The following SCARA5 variants were observed in gnomAD, a reference collection of about 807,000 sequenced individuals.
The protein encoded by SCARA5 is scavenger receptor class A member 5.
Under a neutral mutation model 46.3 loss-of-function variants are expected in SCARA5, and 45 were observed. The observed-to-expected ratio is 0.97, with a 90% CI of 0.76 to 1.24. The LOEUF (loss-of-function observed/expected upper bound fraction) is 1.24. Among genes scored for constraint, SCARA5 ranks in the 50% most tolerant of loss-of-function variants. The pLI is 0.00. For synonymous variants in SCARA5, 333 were observed against 306.5 expected, an observed-to-expected ratio of 1.09 and a Z score of -0.90; for missense variants, 680 against 689.0, an observed-to-expected ratio of 0.99 and a Z score of 0.15.
In SCARA5 at chr8:27,935,270, T is replaced by C. The variant is rs17058300; in HGVS notation, c.242-13025A>G. Among the ~76,000 whole-genome samples, 810 of 152,312 alleles carry C rather than the reference T, an allele frequency of 5.3e-3. 9 individuals are homozygous for C. The highest frequency in any genetic ancestry group is 0.019 in the African/African-American group (784 of 41,568). The stretch of plus-strand genomic sequence containing the variant: ...GGTATCCAAAGCTTGGCAGTTTCTC[T>C]TGACTCAAGGAACAGGCCTGGGCAG... On this transcript the variant is annotated intron_variant, in intron 3 of 8. Coordinates refer to ENST00000354914, the MANE Select transcript of SCARA5 (RefSeq NM_173833.6).
chr8:27,899,077 A>C (rs981590100), intron 7 of SCARA5, among the ~76,000 whole-genome samples: 13 of 152,194 alleles, frequency 8.5e-5, no homozygotes, highest in Non-Finnish European at 1.6e-4. Flanking sequence ...GGTTCTAGCA[A>C]ATAATCAAAC....
At chr8:27,955,321 C>A (rs1808191472) in intron 3 of SCARA5, among the ~76,000 whole-genome samples, 2 of 152,192 alleles carry the variant, frequency 1.3e-5, no homozygotes, top group African/African-American at 2.4e-5. Context: ...CATGGGGCCA[C>A]CCTACCCCCA....
chr8:27,890,888 G>A (rs2129704034), intron 7 of SCARA5, among the ~76,000 whole-genome samples: 2 of 152,324 alleles, frequency 1.3e-5, no homozygotes, highest in South Asian at 4.1e-4. Flanking sequence ...TTCTTTGGAT[G>A]CAAAATGCTG....
At chr8:27,979,050 C>G (rs564196239) in intron 2 of SCARA5, among the ~76,000 whole-genome samples, 1 of 152,336 alleles carries the variant, frequency 6.6e-6, no homozygotes, top group Admixed American at 6.5e-5. Context: ...TCCACCCACA[C>G]AGTCGAGCAC....
At chr8:27,879,304 A>G (rs763949065) in intron 8 of SCARA5, among the ~76,000 whole-genome samples, 9 of 152,122 alleles carry the variant, frequency 5.9e-5, no homozygotes, top group Non-Finnish European at 1.0e-4. Flanking sequence ...CCTGGGACAC[A>G]GGACTGGGAA....
intron 7 of SCARA5, among the ~76,000 whole-genome samples, chr8:27,882,974 C>T (rs945978764): frequency 6.6e-6 from 1 of 152,182 alleles, no homozygotes; most frequent in African/African-American, 2.4e-5. Context: ...GGAACAACAT[C>T]TACACTGCAG....
At position 27,921,952 on chromosome 8, in the gene SCARA5, C is replaced by A; in HGVS notation, c.535G>T (p.Asp179Tyr). Residue 179 changes from aspartate to tyrosine, a missense_variant, in exon 4 of 9, where the codon GAC becomes TAC. By Grantham distance (160) the Asp-to-Tyr change is radical (BLOSUM62 -3). Coordinates refer to ENST00000354914, the MANE Select transcript of SCARA5 (RefSeq NM_173833.6). Reference sequence around the variant, plus strand: ...TGGTAGAGCTCCAGCTGCGCCGTGTCGCTCTGCTGGCCCGTGCGGTCCCGC... The same window carrying A: ...TGGTAGAGCTCCAGCTGCGCCGTGTAGCTCTGCTGGCCCGTGCGGTCCCGC... ...LLRDRTGQQS[D>Y]TAQLELYQLQ... The A allele has an allele frequency of 1.3e-6, 2 of 1,544,182 alleles. No individual in the cohort carries two copies. The highest frequency in any genetic ancestry group is 1.2e-5 in the South Asian group (1 of 82,116).
chr8:27,963,028 C>T (rs565198592), intron 3 of SCARA5, among the ~76,000 whole-genome samples: 3 of 152,324 alleles, frequency 2.0e-5, no homozygotes, highest in Non-Finnish European at 2.9e-5. Flanking sequence ...TACATTGCTG[C>T]GATGCTGCAG....
At chr8:27,966,277 G>A (rs754573569) in intron 3 of SCARA5, 137 bp downstream of exon 3, 12 of 888,920 alleles carry the variant, frequency 1.3e-5, no homozygotes, top group Admixed American at 3.1e-5. Context: ...CTACTGAAGA[G>A]CTTCTTCCTT....
chr8:27,917,234 A>C (rs1413192327), intron 4 of SCARA5, among the ~76,000 whole-genome samples: 1 of 152,220 alleles, frequency 6.6e-6, no homozygotes, highest in East Asian at 1.9e-4. Flanking sequence ...ACTAAGATGA[A>C]ACTTTCAGTT....
intron 3 of SCARA5, among the ~76,000 whole-genome samples, chr8:27,962,548 A>G (rs1164086721): frequency 6.6e-6 from 1 of 152,236 alleles, no homozygotes; most frequent in Non-Finnish European, 1.5e-5. Context: ...GCGTGATAGA[A>G]TCAGGAAGCT....
intron 7 of SCARA5, among the ~76,000 whole-genome samples, chr8:27,900,796 T>G (rs552326570): frequency 2.0e-5 from 3 of 151,516 alleles, no homozygotes; most frequent in East Asian, 1.9e-4. Context: ...CGGGTTTTTT[T>G]TTTTTTTTTT....
chr8:27,954,272 C>T (rs534216023), intron 3 of SCARA5, among the ~76,000 whole-genome samples: 4 of 152,154 alleles, frequency 2.6e-5, no homozygotes, highest in South Asian at 2.1e-4. Flanking sequence ...GCTGTGTTCT[C>T]GGGGCGACAG....
intron 4 of SCARA5, among the ~76,000 whole-genome samples, chr8:27,916,623 T>C (rs553771575): frequency 1.3e-5 from 2 of 152,306 alleles, no homozygotes; most frequent in Admixed American, 6.5e-5. Flanking sequence ...CTAGCCCTTG[T>C]TCAAAAGCCA....
intron 3 of SCARA5, among the ~76,000 whole-genome samples, chr8:27,965,882 C>T (rs1331144310): frequency 1.3e-5 from 2 of 152,198 alleles, no homozygotes; most frequent in Non-Finnish European, 2.9e-5. Flanking sequence ...ATGAGCTCTC[C>T]TTCTCCATGG....
chr8:27,898,188 G>A (rs1270463905), intron 7 of SCARA5, among the ~76,000 whole-genome samples: 2 of 152,242 alleles, frequency 1.3e-5, no homozygotes, highest in Non-Finnish European at 2.9e-5. Flanking sequence ...TTGAATGTAT[G>A]TGAAGCCATC....
intron 7 of SCARA5, among the ~76,000 whole-genome samples, chr8:27,899,398 T>C (rs1031040883): frequency 5.3e-5 from 8 of 152,176 alleles, no homozygotes; most frequent in African/African-American, 1.7e-4. Flanking sequence ...CAGAACTGCA[T>C]AGAGTTGGGG....
At chr8:27,879,394 A>G (rs1451571963) in intron 8 of SCARA5, among the ~76,000 whole-genome samples, 175 bp downstream of exon 8, 1 of 151,998 alleles carries the variant, frequency 6.6e-6, no homozygotes, top group African/African-American at 2.4e-5. Context: ...CTGTCTGATG[A>G]CCACCGGAGA....
intron 4 of SCARA5, among the ~76,000 whole-genome samples, chr8:27,912,965 T>C (rs1026856758): frequency 6.6e-6 from 1 of 152,192 alleles, no homozygotes; most frequent in African/African-American, 2.4e-5. Flanking sequence ...GCATGATGAC[T>C]AGAGAAGGGC....
Sources: allele counts gnomAD v4.1 joint callset (sites outside exome capture counted in the v4.1 genomes callset), GRCh38; gene constraint gnomAD v4.1.1; transcripts MANE v1.5; gene names NCBI Gene and HGNC (gene_info 2026-07-23, HGNC 2026-07-21).